The following KIF1A variants were observed in gnomAD, a reference collection of about 807,000 sequenced individuals.
KIF1A encodes kinesin family member 1A.
Under a neutral mutation model 227.3 loss-of-function variants are expected in KIF1A, and 46 were observed. The ratio of observed to expected loss-of-function variants is 0.20; its 90% CI spans 0.16 to 0.26. The LOEUF (loss-of-function observed/expected upper bound fraction) is 0.26. KIF1A is among the 10% of genes least tolerant of loss of function. The pLI is 1.00. For synonymous variants in KIF1A, 1,022 were observed against 1,012.8 expected (o/e 1.01, Z -0.17); for missense variants, 1,683 against 2,485.9 (o/e 0.68, Z 6.87).
At chr2:240,783,156 G>T in intron 8 of KIF1A, 47 bp from the exon 9 acceptor site, 1 of 1,449,962 alleles carries the variant, frequency 6.9e-7, no homozygotes, top group Non-Finnish European at 9.7e-7. Flanking sequence ...GGACCCGTGG[G>T]GCCTCCTGCT....
intron 10 of KIF1A, 87 bp downstream of exon 10, chr2:240,782,503 C>T: frequency 7.1e-7 from 1 of 1,406,794 alleles, no homozygotes; most frequent in Non-Finnish European, 9.8e-7. Context: ...CACTGCCCGC[C>T]CCGCCCCTCA....
At chr2:240,724,951 G>GGGGGGGGC in intron 40 of KIF1A, 1 of 141,852 alleles carries the variant, frequency 7.0e-6, no homozygotes, top group Admixed American at 8.6e-5. Flanking sequence ...GGGGGGGGGG[G>GGGGGGGGC]AACGGTGTGG....
chr2:240,759,349 T>A (rs1055898708), intron 25 of KIF1A, among the ~76,000 whole-genome samples: 15 of 152,020 alleles, frequency 9.9e-5, no homozygotes, highest in Non-Finnish European at 1.9e-4. Flanking sequence ...AACCAACCAA[T>A]CCCAAGTCTG....
intron 1 of KIF1A, chr2:240,798,111 C>T (rs1404465784): frequency 9.3e-6 from 2 of 215,360 alleles, no homozygotes; most frequent in Admixed American, 5.3e-5. Flanking sequence ...CACGGCAAAC[C>T]CCCCAGGAAG....
chr2:240,783,974 G>A (rs528331898), intron 7 of KIF1A, among the ~76,000 whole-genome samples, 158 bp from the exon 8 acceptor site: 82 of 152,214 alleles, frequency 5.4e-4, no homozygotes, highest in Non-Finnish European at 6.2e-4. Context: ...TCCTGACCCC[G>A]CAGTTTCCAC....
chr2:240,728,554 G>A (rs185362115), intron 38 of KIF1A: 37 of 498,160 alleles, frequency 7.4e-5, no homozygotes, highest in Admixed American at 4.1e-4. Context: ...CCAGGCTCTC[G>A]CTGCACACAG....
chr2:240,788,041 C>CCCCGAG lies in KIF1A; in HGVS notation c.363+9_363+10insCTCGGG. 1.3e-6 allele frequency: 2 copies of CCCCGAG among 1,520,672 alleles called. No individual in the cohort carries two copies. Among genetic ancestry groups the CCCCGAG allele is most frequent in the Non-Finnish European group, 8.9e-7 (1 of 1,121,306 alleles). 94.2% of individuals were successfully genotyped at this position (1,520,672 alleles called of 1,614,324 possible). On this transcript the variant is annotated intron_variant, in intron 4 of 48. Coordinates refer to ENST00000498729, the MANE Select transcript of KIF1A (RefSeq NM_001244008.2). The surrounding 1 kb of genome is among the most constrained non-coding windows in gnomAD (Gnocchi z 6.6). ...GCCAGGGCTGCCCCCGCCCGCCCCC[C>CCCCGAG]GCTTCGTGCCTGTGGGATGATGCCC...
At chr2:240,748,721 GC>G (rs1421222089) in intron 28 of KIF1A, 5 of 283,510 alleles carry the variant, frequency 1.8e-5, no homozygotes, top group Non-Finnish European at 3.8e-5. Flanking sequence ...CCCCAGCTGG[GC>G]CCCCTGATTC....
At chr2:240,763,485 G>T in intron 20 of KIF1A, 139 bp from the exon 21 acceptor site, 1 of 778,130 alleles carries the variant, frequency 1.3e-6, no homozygotes, top group Non-Finnish European at 2.0e-6. Flanking sequence ...TCCTTCTTCA[G>T]CCCTCGCTGG....
chr2:240,772,321 C>G (rs553169381), intron 14 of KIF1A, among the ~76,000 whole-genome samples: 23 of 152,322 alleles, frequency 1.5e-4, no homozygotes, highest in Admixed American at 5.2e-4. Context: ...TCCCCCGTTG[C>G]TTTGGTTTCT....
At chr2:240,807,754 T>C (rs2126209219) in intron 1 of KIF1A, among the ~76,000 whole-genome samples, 1 of 152,216 alleles carries the variant, frequency 6.6e-6, no homozygotes, top group Non-Finnish European at 1.5e-5. Context: ...GTTTCACTGA[T>C]GAACATAGGT....
Position 240,736,018 on chromosome 2 carries a change from AGCTGCCCCCTGCCCTG to A in KIF1A, c.4007+1029_4007+1044del, listed in dbSNP as rs2047278805. On this transcript the variant is annotated intron_variant, in intron 38 of 48. Transcript: ENST00000498729. This position sits in a 1 kb window ranked among gnomAD's most constrained non-coding sequence, Gnocchi z 4.7. ...AGCGCTGTGCCCACCCTGACTATCC[AGCTGCCCCCTGCCCTG>A]GCTGCCCCTGCAGTGCCCTCCTTAC... Among the ~76,000 whole-genome samples, 1 of 120,698 alleles carries A rather than the reference AGCTGCCCCCTGCCCTG, an allele frequency of 8.3e-6. No individual in the cohort carries two copies. The highest frequency in any genetic ancestry group is 1.7e-5 in the Non-Finnish European group (1 of 59,116). 79.2% of individuals were successfully genotyped at this position (120,698 alleles called of 152,430 possible).
At chr2:240,737,205 G>C (rs1375059562) in intron 37 of KIF1A, 37 bp from the exon 38 acceptor site, 1 of 1,554,526 alleles carries the variant, frequency 6.4e-7, no homozygotes, top group East Asian at 2.3e-5. Flanking sequence ...TCACTTCCCA[G>C]GGGGCAGGTG....
chr2:240,727,117 G>A (rs2046104110), intron 38 of KIF1A, among the ~76,000 whole-genome samples, 177 bp from the exon 39 acceptor site: 1 of 152,206 alleles, frequency 6.6e-6, no homozygotes, highest in South Asian at 2.1e-4. Context: ...CCTTACTCAG[G>A]ACCCAGAGAG....
At chr2:240,795,664 G>A (rs1018511090) in intron 2 of KIF1A, among the ~76,000 whole-genome samples, 1 of 152,198 alleles carries the variant, frequency 6.6e-6, no homozygotes, top group Admixed American at 6.5e-5. Context: ...GAGGGGAAAT[G>A]CATAATGGGG....
chr2:240,737,940 C>G (rs1216872980), intron 37 of KIF1A, among the ~76,000 whole-genome samples: 2 of 152,262 alleles, frequency 1.3e-5, no homozygotes, highest in Non-Finnish European at 2.9e-5. Context: ...TTGATGGGTG[C>G]ACACTGGGCC....
In KIF1A at chr2:240,775,027, G is replaced by C. The variant is rs764470339; in HGVS notation, c.959-766C>G. Reference sequence around the variant, plus strand: ...TCTGTGGGAGGACTCCCCTGCCCCCGCCCTGGGACTGAACCTGGGTGTGCC... The same window carrying C: ...TCTGTGGGAGGACTCCCCTGCCCCCCCCCTGGGACTGAACCTGGGTGTGCC... On this transcript the variant is annotated intron_variant, in intron 11 of 48. Transcript: ENST00000498729. The surrounding 1 kb of genome is among the most constrained non-coding windows in gnomAD (Gnocchi z 5.5). 6.6e-6 allele frequency among the ~76,000 whole-genome samples: 1 copy of C among 152,144 alleles called. No individual in the cohort carries two copies. Among genetic ancestry groups the C allele is most frequent in the African/African-American group, 2.4e-5 (1 of 41,422 alleles).
chr2:240,738,656 A>G (rs901370320), intron 37 of KIF1A, among the ~76,000 whole-genome samples: 1 of 152,182 alleles, frequency 6.6e-6, no homozygotes. Flanking sequence ...GGTTCATACC[A>G]TATCTCCCCA....
intron 2 of KIF1A, among the ~76,000 whole-genome samples, chr2:240,791,071 C>T (rs958690405): frequency 1.4e-4 from 22 of 152,066 alleles, no homozygotes; most frequent in African/African-American, 4.8e-4. Context: ...CTGGGAAACA[C>T]CCAGGCACCC....
Sources: gnomAD v4.1 joint callset for allele counts (sites outside exome capture counted in the v4.1 genomes callset) on GRCh38, gnomAD v4.1.1 for gene constraint, Gnocchi (gnomAD v3.1) non-coding constraint, MANE v1.5 for transcripts, NCBI Gene and HGNC (gene_info 2026-07-23, HGNC 2026-07-21) for gene names.